Variants in FYN observed in about 807,000 individuals in gnomAD.
FYN encodes the protein tyrosine-protein kinase Fyn.
FYN carries 10 observed loss-of-function variants against 70.2 expected under a neutral mutation model. The observed-to-expected ratio is 0.14, with a 90% confidence interval of 0.09 to 0.24. The LOEUF is 0.24. Among genes scored for constraint, FYN ranks in the 10% least tolerant of loss-of-function variants. The probability of loss-of-function intolerance (pLI) is 1.00; values close to 1 mark genes in which losing one functional copy is unlikely to be tolerated. For missense variants in FYN, 319 were observed against 673.1 expected (o/e 0.47, Z 5.82); for synonymous variants, 236 against 248.6 (o/e 0.95, Z 0.48).
intron 5 of FYN, among the ~76,000 whole-genome samples, chr6:111,709,609 C>T (rs961130935): frequency 1.8e-4 from 28 of 152,216 alleles, no homozygotes; most frequent in African/African-American, 5.5e-4. Flanking sequence ...AGCAAAAGTA[C>T]AGTACTCATA....
At chr6:111,852,015 G>C (rs1773700087) in intron 1 of FYN, among the ~76,000 whole-genome samples, 1 of 151,978 alleles carries the variant, frequency 6.6e-6, no homozygotes, top group Non-Finnish European at 1.5e-5. Context: ...ATGACGGTAT[G>C]TATGATCCAG....
At chr6:111,747,476 TCTC>T (rs1353125626) in intron 3 of FYN, among the ~76,000 whole-genome samples, 6 of 152,216 alleles carry the variant, frequency 3.9e-5, no homozygotes, top group African/African-American at 1.2e-4. Flanking sequence ...TATTCTGTCT[TCTC>T]CTGCGCAGCT....
At chr6:111,797,306 G>T (rs1771836470) in intron 2 of FYN, among the ~76,000 whole-genome samples, 1 of 152,132 alleles carries the variant, frequency 6.6e-6, no homozygotes, top group African/African-American at 2.4e-5. Context: ...AGGAAAACAG[G>T]ATACGGAATA....
rs556833164 is a variant in FYN, at chr6:111,771,882, C to T, written c.-12+8684G>A. Among the ~76,000 whole-genome samples, 5 of 152,104 alleles carry T rather than the reference C, an allele frequency of 3.3e-5. 1 individual carries two copies. In the South Asian group the frequency reaches 1.0e-3, roughly 32 times the overall value. ...CTGGCTGACTTTCCTTGTTTAGGGA[C>T]CTACTCAGTCAGGCAGGCACTTGTG... On this transcript the variant is annotated intron_variant, in intron 3 of 13. Transcript: ENST00000354650.
intron 3 of FYN, among the ~76,000 whole-genome samples, chr6:111,733,880 G>T (rs1451669954): frequency 6.6e-6 from 1 of 152,170 alleles, no homozygotes; most frequent in East Asian, 1.9e-4. Context: ...TTGAAGCCAG[G>T]AATTGGAGAC....
chr6:111,736,694 A>G (rs1341192390), intron 3 of FYN, among the ~76,000 whole-genome samples: 1 of 152,188 alleles, frequency 6.6e-6, no homozygotes, highest in Non-Finnish European at 1.5e-5. Context: ...AGCCCAAGTG[A>G]AACAAAATGG....
intron 3 of FYN, among the ~76,000 whole-genome samples, chr6:111,748,883 T>C (rs903793043): frequency 6.6e-6 from 1 of 152,252 alleles, no homozygotes; most frequent in African/African-American, 2.4e-5. Flanking sequence ...CCTGCATTTG[T>C]AGTTTGTTCT....
intron 12 of FYN, among the ~76,000 whole-genome samples, chr6:111,681,848 G>A (rs1798795360): frequency 6.6e-6 from 1 of 152,122 alleles, no homozygotes; most frequent in Non-Finnish European, 1.5e-5. Flanking sequence ...ACGGAACACC[G>A]AGAGGAAAGC....
chr6:111,753,788 T>C (rs1802589227), intron 3 of FYN, among the ~76,000 whole-genome samples: 2 of 152,226 alleles, frequency 1.3e-5, no homozygotes, highest in African/African-American at 4.8e-5. Context: ...TGATCTAATG[T>C]GGTATTTACT....
chr6:111,825,858 C>T (rs1289161953), intron 2 of FYN, among the ~76,000 whole-genome samples: 1 of 152,104 alleles, frequency 6.6e-6, no homozygotes, highest in Non-Finnish European at 1.5e-5. Context: ...CTATATCCCT[C>T]TATGGTATTG....
rs558572571 is a variant in FYN at position 111,717,618 on chromosome 6, C to T, written c.247+2187G>A. On this transcript the variant is annotated intron_variant, in intron 4 of 13. Transcript: ENST00000354650. ...CTGGGATTACAGGCGCCCACCACCA[C>T]GCCTGGCTAATTTTTTGTATTTTTT... is the stretch of plus-strand genomic sequence containing the variant. Among the ~76,000 whole-genome samples the T allele has an allele frequency of 5.9e-5, 9 of 152,216 alleles. No homozygotes were observed. The East Asian group carries it at 9.7e-4, about 16-fold the overall frequency.
intron 1 of FYN, among the ~76,000 whole-genome samples, chr6:111,849,502 AT>A (rs1423584190): frequency 1.3e-5 from 2 of 152,230 alleles, no homozygotes; most frequent in Non-Finnish European, 2.9e-5. Flanking sequence ...TCAAAGGAGC[AT>A]GGGCTGCACG....
intron 2 of FYN, chr6:111,819,848 TCAAA>T (rs1275939331): frequency 6.6e-6 from 1 of 152,220 alleles, no homozygotes; most frequent in Non-Finnish European, 1.5e-5. Context: ...AATATTATTC[TCAAA>T]CACTCACCCT....
intron 2 of FYN, among the ~76,000 whole-genome samples, chr6:111,829,685 G>A (rs1048068972): frequency 6.6e-6 from 1 of 152,208 alleles, no homozygotes; most frequent in African/African-American, 2.4e-5. Flanking sequence ...AAGTTATTTA[G>A]CTTCCCTGAC....
intron 3 of FYN, among the ~76,000 whole-genome samples, chr6:111,751,656 C>T (rs142211579): frequency 0.014 from 2,131 of 152,080 alleles, 54 homozygotes; most frequent in African/African-American, 0.049. Context: ...GCATCTTGCT[C>T]GGTCATCTAG....
intron 13 of FYN, among the ~76,000 whole-genome samples, chr6:111,663,757 C>T (rs558514587): frequency 6.6e-6 from 1 of 152,270 alleles, no homozygotes; most frequent in African/African-American, 2.4e-5. Flanking sequence ...GCGACTTCCT[C>T]AGTTGCATGG....
At chr6:111,832,746 C>T (rs898851701) in intron 2 of FYN, among the ~76,000 whole-genome samples, 1 of 152,108 alleles carries the variant, frequency 6.6e-6, no homozygotes, top group Non-Finnish European at 1.5e-5. Flanking sequence ...GAATACCATG[C>T]TGCCTTCTCA....
chr6:111,824,151 T>G (rs1772760975), intron 2 of FYN, among the ~76,000 whole-genome samples: 1 of 152,154 alleles, frequency 6.6e-6, no homozygotes, highest in Admixed American at 6.5e-5. Flanking sequence ...CACTGCAAAC[T>G]TTGGAAAGTT....
At position 111,773,212 on chromosome 6, in the gene FYN, T is replaced by C. The variant is rs550430536; in HGVS notation, c.-12+7354A>G. 6.4e-4 allele frequency among the ~76,000 whole-genome samples: 95 copies of C among 149,150 alleles called. 1 individual carries two copies. The highest frequency in any genetic ancestry group is 2.1e-3 in the African/African-American group (85 of 40,378). Reference sequence around the variant, plus strand: ...TTTACAATTCTCCCAACCAGCAAGTTTGAAATTTGTTTTATAATTCTCCCA... The same window carrying C: ...TTTACAATTCTCCCAACCAGCAAGTCTGAAATTTGTTTTATAATTCTCCCA... On this transcript the variant is annotated intron_variant, in intron 3 of 13. Coordinates refer to ENST00000354650, the MANE Select transcript of FYN (RefSeq NM_002037.5).
Sources: gnomAD v4.1 joint callset for allele counts (sites outside exome capture counted in the v4.1 genomes callset) on GRCh38, gnomAD v4.1.1 for gene constraint, MANE v1.5 for transcripts, NCBI Gene and HGNC (gene_info 2026-07-23, HGNC 2026-07-21) for gene names.